The following PKD1 variants were observed in gnomAD, a reference collection of about 807,000 sequenced individuals.
PKD1 encodes the protein polycystin-1.
PKD1 carries 81 observed loss-of-function variants against 361.7 expected under a neutral mutation model. The observed-to-expected ratio is 0.22, with a 90% CI of 0.19 to 0.27. PKD1 has a LOEUF of 0.27. Ranked by LOEUF, PKD1 falls within the 10% of genes least tolerant of loss-of-function variation. The pLI is 1.00. For missense variants in PKD1, 6,399 were observed against 6,118.3 expected, an observed-to-expected ratio of 1.05 and a Z score of -1.53; for synonymous variants, 3,615 against 2,818.3, an observed-to-expected ratio of 1.28 and a Z score of -8.95.
At chr16:2,123,957 C>G (rs915510303) in intron 1 of PKD1, among the ~76,000 whole-genome samples, 2 of 152,186 alleles carry the variant, frequency 1.3e-5, no homozygotes, top group Admixed American at 1.3e-4. Flanking sequence ...CAAGGGGTCC[C>G]CAGCGCCGAG....
At position 2,114,484 on chromosome 16, in the gene PKD1, G is replaced by A; in HGVS notation, c.2539C>T (p.Leu847Phe). ...GCGTTGGCACCAGAGTCCACCTGGA[G>A]CACCAAGGCTGAGCCGTTGGTGGGC... Reference protein sequence around the residue: ...YVPTNGSALVLQVDSGANATA... With the variant: ...YVPTNGSALVFQVDSGANATA... The change falls in exon 11 of 46, where the codon CTC (leucine) becomes TTC (phenylalanine). Residue 847 changes from leucine (L) to phenylalanine (F), a missense_variant. Coordinates refer to ENST00000262304, the MANE Select transcript of PKD1 (RefSeq NM_001009944.3). 1 of 1,596,784 alleles carries A rather than the reference G, an allele frequency of 6.3e-7. No individual in the cohort carries two copies. The highest frequency in any genetic ancestry group is 1.1e-5 in the South Asian group (1 of 90,928).
Position 2,109,137 on chromosome 16 carries a change from C to T in PKD1, c.6030G>A (p.Leu2010=), listed in dbSNP as rs1596553134. ...CCAGCGAGTCGCCCTGGACCTTCTGCAGCGAGAAGTACCAGGCGTAGGCGA... is the reference window on the plus strand; with the variant it reads ...CCAGCGAGTCGCCCTGGACCTTCTGTAGCGAGAAGTACCAGGCGTAGGCGA... The part of the protein sequence containing the change: ...SRVAYAWYFS[L]QKVQGDSLVI... Residue 2010 remains leucine, a synonymous_variant, in exon 15 of 46, where the codon CTG becomes CTA. Transcript: ENST00000262304. The T allele has an allele frequency of 2.5e-6, 4 of 1,602,748 alleles. No individual in the cohort carries two copies. The highest frequency in any genetic ancestry group is 2.6e-6 in the Non-Finnish European group (3 of 1,174,450).
Position 2,107,018 on chromosome 16 carries a change from G to A in PKD1, c.7066-70C>T, listed in dbSNP as rs914350079. On this transcript the variant is annotated intron_variant, in intron 16 of 45. Coordinates refer to ENST00000262304, the MANE Select transcript of PKD1 (RefSeq NM_001009944.3). ...TGCTGGAAGGACTGGGGGACCCATGGAGGATGCTGCTCCCAAACTCCAGGT... is the reference window on the plus strand; with the variant it reads ...TGCTGGAAGGACTGGGGGACCCATGAAGGATGCTGCTCCCAAACTCCAGGT... 1.1e-4 allele frequency: 162 copies of A among 1,460,714 alleles called. 3 individuals carry two copies. In the African/African-American group the frequency reaches 2.0e-3, roughly 18 times the overall value. The allele number at this position is 1,460,714 out of a possible 1,614,324, so 90.5% of individuals were successfully genotyped here.
At chr16:2,104,717 C>T (rs2092267090) in intron 21 of PKD1, 75 bp from the exon 22 acceptor site, 8 of 819,400 alleles carry the variant, frequency 9.8e-6, no homozygotes, top group South Asian at 4.3e-5. Context: ...TACACGGGTC[C>T]TCACCTGGCT....
chr16:2,110,127 G>A lies in PKD1; in HGVS notation c.5040C>T (p.Gly1680=), dbSNP rs2092461039. ...RDRGPALAGS[G]KGFSLTVLEA... ...CGAGCACGGTGAGCGAGAAGCCTTTGCCGCTGCCGGCCAGGGCCGGGCCCC... is the reference window on the plus strand; with the variant it reads ...CGAGCACGGTGAGCGAGAAGCCTTTACCGCTGCCGGCCAGGGCCGGGCCCC... The change falls in exon 15 of 46, where the codon GGC becomes GGT. Residue 1680 remains glycine, a synonymous_variant. Transcript: ENST00000262304. 2 of 1,609,116 alleles carry A rather than the reference G, an allele frequency of 1.2e-6. No homozygotes were observed. The highest frequency in any genetic ancestry group is 1.1e-5 in the South Asian group (1 of 90,808).
rs754147819 is a variant in PKD1, at chr16:2,117,029, G to A, written c.1410C>T (p.Phe470=). 7.6e-6 allele frequency: 12 copies of A among 1,584,586 alleles called. No individual in the cohort carries two copies. The East Asian group carries it at 2.7e-4, about 36-fold the overall frequency. The change falls in exon 7 of 46, where the codon TTC becomes TTT. Residue 470 remains phenylalanine, a synonymous_variant. Coordinates refer to ENST00000262304, the MANE Select transcript of PKD1 (RefSeq NM_001009944.3). ...CCACCTCCACCCCCTGCACAGTCGA[G>A]AAGCCGATCCACACGTCTAGGCTCC... ...VTRSLDVWIG[F]STVQGVEVGP...
rs780043149 is a variant in PKD1 at position 2,106,578 on chromosome 16, C to T, written c.7309G>A (p.Val2437Met). Reference sequence around the variant, plus strand: ...GTGTATCCCTCGCCGTCCCGCAGCACGCCCCGCCGCAGCACCAGTCGCATG... The same window carrying T: ...GTGTATCCCTCGCCGTCCCGCAGCATGCCCCGCCGCAGCACCAGTCGCATG... ...AGMRLVLRRGVLRDGEGYTFT... is the reference protein window; with the variant it reads ...AGMRLVLRRGMLRDGEGYTFT... The change falls in exon 18 of 46, where the codon GTG (valine) becomes ATG (methionine). Residue 2437 changes from valine (V) to methionine (M), a missense_variant. Coordinates refer to ENST00000262304, the MANE Select transcript of PKD1 (RefSeq NM_001009944.3). The surrounding 1 kb of genome is among the most constrained non-coding windows in gnomAD (Gnocchi z 6.5). 78 of 1,596,088 alleles carry T rather than the reference C, an allele frequency of 4.9e-5. No individual in the cohort carries two copies. Among genetic ancestry groups the T allele is most frequent in the South Asian group, 2.9e-4 (26 of 90,728 alleles).
At chr16:2,091,340 T>TGC (rs2091558185) in intron 42 of PKD1, 83 bp downstream of exon 42, 1 of 453,198 alleles carries the variant, frequency 2.2e-6, no homozygotes, top group African/African-American at 1.2e-4. Flanking sequence ...CTGCGAGGGG[T>TGC]GAGACGCTGC....
At position 2,088,881 on chromosome 16, in the gene PKD1, GCACA is replaced by G. The variant is rs56279647; in HGVS notation, c.*842_*845del. On this transcript the variant is annotated 3_prime_UTR_variant, in exon 46 of 46. Transcript: ENST00000262304. The stretch of plus-strand genomic sequence containing the variant: ...ACAGCACACTCGCGCGTGCGCGCGC[GCACA>G]CACACACACACACAGTCACCTTCCT... 25,795 of 420,996 alleles carry G rather than the reference GCACA, an allele frequency of 0.061. 950 individuals are homozygous for G. The highest frequency in any genetic ancestry group is 0.073 in the Non-Finnish European group (16,923 of 230,542). The allele number at this position is 420,996 out of a possible 1,614,324, so 26.1% of individuals were successfully genotyped here.
chr16:2,107,196 C>G, intron 16 of PKD1: 1 of 560,166 alleles, frequency 1.8e-6, no homozygotes, highest in Non-Finnish European at 3.3e-6. Flanking sequence ...TGGACCCTAG[C>G]AGGAGGCAGG....
chr16:2,096,972 G>A (rs1310485528), intron 34 of PKD1, 176 bp downstream of exon 34: 2 of 621,352 alleles, frequency 3.2e-6, no homozygotes, highest in Non-Finnish European at 5.8e-6. Context: ...GGGGCCCTGG[G>A]GATCCCATGA....
Position 2,099,764 on chromosome 16 carries a change from C to A in PKD1, c.9930G>T (p.Gly3310=), listed in dbSNP as rs2092012080. 2 of 1,553,836 alleles carry A rather than the reference C, an allele frequency of 1.3e-6. No homozygotes were observed. The highest frequency in any genetic ancestry group is 4.8e-5 in the East Asian group (2 of 41,704). Residue 3310 remains glycine (G), a synonymous_variant, in exon 30 of 46, where the codon GGG becomes GGT. Coordinates refer to ENST00000262304, the MANE Select transcript of PKD1 (RefSeq NM_001009944.3). ...TCAGCGGGCTCAGCCTGGACACATG[C>A]CCCGTGCTGTGTGGAGGAGAGGAGG... ...GAVGDSAYST[G]HVSRLSPLSV... is the part of the protein sequence containing the mutation.
chr16:2,117,204 C>G, intron 6 of PKD1, 151 bp from the exon 7 acceptor site: 1 of 632,978 alleles, frequency 1.6e-6, no homozygotes, highest in Non-Finnish European at 2.8e-6. Flanking sequence ...CCAGCCCAGG[C>G]TCACAGCAGC....
rs1463155352 is a variant in PKD1 at position 2,112,854 on chromosome 16, G to T, written c.3095C>A (p.Ser1032Tyr). ...CGTCAGTGCTAGCGTGGCATTGGGG[G>T]ACAGCACGGCCGGCACTGTGGAGAC... ...LQVSTVPAVL[S>Y]PNATLALTAG... Residue 1032 changes from serine to tyrosine, a missense_variant, in exon 13 of 46, where the codon TCC becomes TAC. By Grantham distance (144) the Ser-to-Tyr change is moderately radical. Transcript: ENST00000262304. 3 of 1,605,486 alleles carry T rather than the reference G, an allele frequency of 1.9e-6. No homozygotes were observed. Among genetic ancestry groups the T allele is most frequent in the African/African-American group, 2.7e-5 (2 of 74,862 alleles).
intron 1 of PKD1, among the ~76,000 whole-genome samples, chr16:2,122,883 C>A (rs1385645263): frequency 6.6e-6 from 1 of 152,190 alleles, no homozygotes; most frequent in Non-Finnish European, 1.5e-5. Flanking sequence ...GCTCTCGCAC[C>A]TGCCCCCAGG....
In PKD1 at chr16:2,110,270, C is replaced by T. The variant is rs773744181; in HGVS notation, c.4897G>A (p.Glu1633Lys). ...CCACCGCCCACCACCTGCAGCCCCTCTATGAGCTGCAGGACATAGACGAAG... is the reference window on the plus strand; with the variant it reads ...CCACCGCCCACCACCTGCAGCCCCTTTATGAGCTGCAGGACATAGACGAAG... ...SIFVYVLQLI[E>K]GLQVVGGGRY... is the part of the protein sequence containing the mutation. The change falls in exon 15 of 46, where the codon GAG becomes AAG. Residue 1633 changes from glutamate to lysine, a missense_variant. Coordinates refer to ENST00000262304, the MANE Select transcript of PKD1 (RefSeq NM_001009944.3). 2.5e-6 allele frequency: 4 copies of T among 1,612,068 alleles called. No individual in the cohort carries two copies. Among genetic ancestry groups the T allele is most frequent in the African/African-American group, 1.3e-5 (1 of 74,922 alleles).
Position 2,105,867 on chromosome 16 carries a change from C to G in PKD1, c.7861G>C (p.Glu2621Gln), listed in dbSNP as rs762003393. The G allele has an allele frequency of 2.5e-6, 4 of 1,595,708 alleles. No homozygotes were observed. Among genetic ancestry groups the G allele is most frequent in the Non-Finnish European group, 3.4e-6 (4 of 1,179,400 alleles). Reference protein sequence around the residue: ...YSLALVTVLNEYERALDVAAE... With the variant: ...YSLALVTVLNQYERALDVAAE... ...GTCCCCTCCCAGGCTGCACTCACCT[C>G]GTTCAGCACGGTGACCAGGGCCAAC... Residue 2621 changes from glutamate (E) to glutamine (Q), a missense_variant and splice_region_variant, in exon 20 of 46, where the codon GAG becomes CAG. Transcript: ENST00000262304.
In PKD1 at chr16:2,110,991, C is replaced by T. The variant is rs543825322; in HGVS notation, c.4176G>A (p.Val1392=). The change falls in exon 15 of 46, where the codon GTG becomes GTA. Residue 1392 remains valine, a synonymous_variant. Transcript: ENST00000262304. ...NVTLQPERQF[V]QLGDEAWLVA... ...CCAGCCAGGCCTCGTCCCCGAGCTG[C>T]ACAAACTGCCTCTCTGGCTGCAGGG... The T allele has an allele frequency of 3.7e-6, 6 of 1,610,634 alleles. No individual in the cohort carries two copies. In the East Asian group the frequency reaches 1.1e-4, roughly 30 times the overall value.
rs200899577 is a variant in PKD1 at position 2,097,323 on chromosome 16, T to A, written c.10401A>T (p.Ala3467=). ...CCTCCTCTCACCCCAGCTCACCTGA[T>A]GCTGAGAAGGATTTGGCAGGCGAGT... ...SPYSPAKSFS[A]SDEDLIQQVL... The change falls in exon 33 of 46, where the codon GCA becomes GCT. Residue 3467 remains alanine, a synonymous_variant. Coordinates refer to ENST00000262304, the MANE Select transcript of PKD1 (RefSeq NM_001009944.3). 3 of 1,612,920 alleles carry A rather than the reference T, an allele frequency of 1.9e-6. No homozygotes were observed. The South Asian group carries it at 3.3e-5, about 18-fold the overall frequency.
Sources: allele counts gnomAD v4.1 joint callset (sites outside exome capture counted in the v4.1 genomes callset), GRCh38; gene constraint gnomAD v4.1.1; non-coding constraint Gnocchi (gnomAD v3.1); transcripts MANE v1.5; gene names NCBI Gene and HGNC (gene_info 2026-07-23, HGNC 2026-07-21).